Variants in CMC1 observed in about 807,000 individuals in gnomAD.
CMC1 encodes COX assembly mitochondrial protein homolog.
Under a neutral mutation model 14.1 loss-of-function variants are expected in CMC1, and 14 were observed. The ratio of observed to expected loss-of-function variants is 0.99; its 90% confidence interval spans 0.66 to 1.55. The LOEUF (loss-of-function observed/expected upper bound fraction) is 1.55, where lower values mean the gene tolerates loss of function less well. Among genes scored for constraint, CMC1 ranks in the 40% most tolerant of loss-of-function variants. The pLI, the probability that CMC1 is intolerant of heterozygous loss-of-function variation, is 0.00. For synonymous variants in CMC1, 50 were observed against 38.4 expected, an observed-to-expected ratio of 1.30 and a Z score of -1.12; for missense variants, 127 against 123.8, an observed-to-expected ratio of 1.03 and a Z score of -0.12.
intron 1 of CMC1, among the ~76,000 whole-genome samples, chr3:28,244,666 C>T (rs958196756): frequency 4.6e-5 from 7 of 151,428 alleles, no homozygotes; most frequent in African/African-American, 1.2e-4. Flanking sequence ...GCAGCGGTTG[C>T]AGTGAGCCGA....
At chr3:28,269,114 G>C (rs1032754867) in intron 2 of CMC1, among the ~76,000 whole-genome samples, 1 of 152,100 alleles carries the variant, frequency 6.6e-6, no homozygotes, top group Non-Finnish European at 1.5e-5. Flanking sequence ...TTTATCAGGG[G>C]TATGTATGTA....
At chr3:28,314,614 T>C (rs1486426012) in intron 2 of CMC1, among the ~76,000 whole-genome samples, 1 of 152,198 alleles carries the variant, frequency 6.6e-6, no homozygotes, top group South Asian at 2.1e-4. Flanking sequence ...TCACTTCATG[T>C]GATCACACAC....
At position 28,323,870 on chromosome 3, in the gene CMC1, G is replaced by A; in HGVS notation, c.*4241G>A. 1.6e-6 allele frequency: 1 copy of A among 640,638 alleles called. No homozygotes were observed. The highest frequency in any genetic ancestry group is 2.9e-5 in the South Asian group (1 of 34,446). 39.7% of individuals were successfully genotyped at this position (640,638 alleles called of 1,614,324 possible). ...AGCTAGAGGGTGCTCTTTCATACTA[G>A]AAAACCAACTATGTTGGTTTTTGTA... On this transcript the variant is annotated 3_prime_UTR_variant, in exon 4 of 4. Coordinates refer to ENST00000466830, the MANE Select transcript of CMC1 (RefSeq NM_182523.2).
chr3:28,269,679 C>A (rs1191333134), intron 2 of CMC1, among the ~76,000 whole-genome samples: 4 of 152,128 alleles, frequency 2.6e-5, no homozygotes, highest in Non-Finnish European at 5.9e-5. Context: ...GATTCCCCTG[C>A]CTCAGCCTCC....
intron 2 of CMC1, among the ~76,000 whole-genome samples, chr3:28,282,803 A>C (rs151018843): frequency 0.019 from 2,953 of 152,238 alleles, 65 homozygotes; most frequent in Non-Finnish European, 0.025. Context: ...CATAACCTTA[A>C]AACTTTGGTT....
At chr3:28,268,051 AAAT>A (rs1208678573) in intron 2 of CMC1, among the ~76,000 whole-genome samples, 5 of 152,322 alleles carry the variant, frequency 3.3e-5, no homozygotes, top group Admixed American at 1.3e-4. Context: ...ACTAAAAGGA[AAAT>A]AATCACCGCA....
intron 2 of CMC1, among the ~76,000 whole-genome samples, chr3:28,295,311 G>A (rs563655399): frequency 3.0e-4 from 45 of 152,180 alleles, no homozygotes; most frequent in South Asian, 2.1e-3. Context: ...TTAGGAATTC[G>A]TATGAAAATT....
At chr3:28,296,975 G>C (rs972728600) in intron 2 of CMC1, 1 of 151,920 alleles carries the variant, frequency 6.6e-6, no homozygotes, top group Non-Finnish European at 1.5e-5. Context: ...ACTCTTATTA[G>C]TTATTTATGT....
Position 28,283,570 on chromosome 3 carries a change from AAAG to A in CMC1, c.109+20196_109+20198del, listed in dbSNP as rs1463571985. Among the ~76,000 whole-genome samples the A allele has an allele frequency of 1.6e-3, 242 of 151,814 alleles. 1 individual carries two copies. Among genetic ancestry groups the A allele is most frequent in the African/African-American group, 2.0e-3 (84 of 41,446 alleles). Reference sequence around the variant, plus strand: ...CAAAAACAAAAAAAAAAAAAAAAGAAAAGAAGAAAGAAACCAATTCTCTGCAGT... The same window carrying A: ...CAAAAACAAAAAAAAAAAAAAAAGAAAAGAAAGAAACCAATTCTCTGCAGT... On this transcript the variant is annotated intron_variant, in intron 2 of 3. Coordinates refer to ENST00000466830, the MANE Select transcript of CMC1 (RefSeq NM_182523.2).
chr3:28,286,219 T>C (rs1701173566), intron 2 of CMC1, among the ~76,000 whole-genome samples: 1 of 152,228 alleles, frequency 6.6e-6, no homozygotes, highest in Non-Finnish European at 1.5e-5. Flanking sequence ...TTTTTTGCTA[T>C]GTCAGTATTT....
At chr3:28,261,989 GT>G (rs1699759821) in intron 1 of CMC1, among the ~76,000 whole-genome samples, 1 of 152,148 alleles carries the variant, frequency 6.6e-6, no homozygotes, top group Non-Finnish European at 1.5e-5. Context: ...TTCTTTTTCT[GT>G]AGGGTTTGAA....
At position 28,324,022 on chromosome 3, in the gene CMC1, A is replaced by T. The variant is rs769915620; in HGVS notation, c.*4393A>T. ...AAAGAGATAAGTGTCCTCATGGTGA[A>T]ATCGTGAATCTCTTCCAAATTAATT... is the stretch of plus-strand genomic sequence containing the variant. On this transcript the variant is annotated 3_prime_UTR_variant, in exon 4 of 4. Transcript: ENST00000466830. The T allele has an allele frequency of 1.6e-5, 25 of 1,580,306 alleles. No individual in the cohort carries two copies. Among genetic ancestry groups the T allele is most frequent in the Non-Finnish European group, 2.1e-5 (24 of 1,157,488 alleles).
In CMC1 at chr3:28,312,584, G is replaced by GTA. The variant is rs200719171; in HGVS notation, c.110-3747_110-3746dup. Among the ~76,000 whole-genome samples, 190 of 152,196 alleles carry GTA rather than the reference G, an allele frequency of 1.2e-3. 1 individual carries two copies. In the East Asian group the frequency reaches 0.036, roughly 29 times the overall value. Reference sequence around the variant, plus strand: ...AACCATATTATTGGGGATTATTTAAGTATTAAAGTATATCTGGAAGTTCCA... The same window carrying GTA: ...AACCATATTATTGGGGATTATTTAAGTATATTAAAGTATATCTGGAAGTTCCA... On this transcript the variant is annotated intron_variant, in intron 2 of 3. Coordinates refer to ENST00000466830, the MANE Select transcript of CMC1 (RefSeq NM_182523.2).
At chr3:28,274,140 A>T (rs1437858518) in intron 2 of CMC1, among the ~76,000 whole-genome samples, 1 of 149,302 alleles carries the variant, frequency 6.7e-6, no homozygotes, top group South Asian at 2.1e-4. Context: ...TCATGATGCT[A>T]ACTGGTTATT....
rs569739921 is a variant in CMC1 at position 28,278,496 on chromosome 3, G to T, written c.109+15116G>T. Among the ~76,000 whole-genome samples the T allele has an allele frequency of 3.9e-5, 6 of 152,244 alleles. No homozygotes were observed. In the South Asian group the frequency reaches 1.2e-3, roughly 32 times the overall value. On this transcript the variant is annotated intron_variant, in intron 2 of 3. Transcript: ENST00000466830. ...TATGCAGGTTCTATTTTCTGTTAGT[G>T]AACTATCAGTAACATGTTCAACTTG...
chr3:28,279,556 A>G (rs961824904), intron 2 of CMC1, among the ~76,000 whole-genome samples: 7 of 115,818 alleles, frequency 6.0e-5, no homozygotes, highest in Non-Finnish European at 1.2e-4. Context: ...GTAATTGCTT[A>G]AGAACCATAA....
chr3:28,311,390 A>C (rs1442403148), intron 2 of CMC1, among the ~76,000 whole-genome samples: 1 of 152,184 alleles, frequency 6.6e-6, no homozygotes, highest in African/African-American at 2.4e-5. Flanking sequence ...GTGTTACTAA[A>C]TTTTATAGAC....
chr3:28,241,874 A>G (rs1038210061), intron 1 of CMC1, 62 bp downstream of exon 1: 1 of 1,232,754 alleles, frequency 8.1e-7, no homozygotes, highest in Non-Finnish European at 1.0e-6. Flanking sequence ...GCCGCGGGCC[A>G]TGCGGGCTGG....
rs1452994462 is a variant in CMC1 at position 28,274,217 on chromosome 3, TTTC to T, written c.109+10840_109+10842del. ...CTTTGTACTAAAGTGTTTTTGTTTT[TTTC>T]TTTTTTTTTTTTTTTGCAGTGGCTA... On this transcript the variant is annotated intron_variant, in intron 2 of 3. Coordinates refer to ENST00000466830, the MANE Select transcript of CMC1 (RefSeq NM_182523.2). 4.0e-4 allele frequency among the ~76,000 whole-genome samples: 52 copies of T among 130,124 alleles called. 3 individuals carry two copies. The highest frequency in any genetic ancestry group is 1.2e-3 in the East Asian group (5 of 4,308). The allele number at this position is 130,124 out of a possible 152,430, so 85.4% of individuals were successfully genotyped here.
Sources: gnomAD v4.1 joint callset for allele counts (sites outside exome capture counted in the v4.1 genomes callset) on GRCh38, gnomAD v4.1.1 for gene constraint, MANE v1.5 for transcripts, NCBI Gene and HGNC (gene_info 2026-07-23, HGNC 2026-07-21) for gene names.